EFCAB14: variants seen among roughly 807,000 people sequenced by gnomAD.
The protein encoded by EFCAB14 is EF-hand calcium binding domain 14, also known as EF-hand calcium-binding domain-containing protein 14.
EFCAB14 carries 43 observed loss-of-function variants against 56.5 expected under a neutral mutation model. The ratio of observed to expected loss-of-function variants is 0.76; its 90% CI spans 0.60 to 0.98. EFCAB14 has a LOEUF of 0.98. Ranked by LOEUF, EFCAB14 falls within the 50% of genes least tolerant of loss-of-function variation. The pLI is 0.00. For missense variants in EFCAB14, 538 were observed against 580.3 expected, an observed-to-expected ratio of 0.93 and a Z score of 0.75; for synonymous variants, 235 against 212.9, an observed-to-expected ratio of 1.10 and a Z score of -0.90.
At chr1:46,691,441 A>T (rs1319016941) in intron 5 of EFCAB14, among the ~76,000 whole-genome samples, 1 of 152,236 alleles carries the variant, frequency 6.6e-6, no homozygotes, top group Non-Finnish European at 1.5e-5. Context: ...CCTTGCTCAA[A>T]TTCCTGATGC....
chr1:46,695,460 A>G (rs1280939976), intron 4 of EFCAB14, among the ~76,000 whole-genome samples: 1 of 152,154 alleles, frequency 6.6e-6, no homozygotes, highest in Non-Finnish European at 1.5e-5. Context: ...GCTATAAAAT[A>G]GCAAATTTTG....
chr1:46,675,388 C>A lies in EFCAB14; in HGVS notation c.*3073G>T, dbSNP rs952828439. 2 of 152,576 alleles carry A rather than the reference C, an allele frequency of 1.3e-5. No homozygotes were observed. Among genetic ancestry groups the A allele is most frequent in the Non-Finnish European group, 2.9e-5 (2 of 68,042 alleles). 9.5% of individuals were successfully genotyped at this position (152,576 alleles called of 1,614,324 possible). ...GTTCGTATAACAAACAATACACGCTCTATAAAGTCTCAGGAATACCCAAAT... is the reference window on the plus strand; with the variant it reads ...GTTCGTATAACAAACAATACACGCTATATAAAGTCTCAGGAATACCCAAAT... On this transcript the variant is annotated 3_prime_UTR_variant, in exon 11 of 11. Transcript: ENST00000371933.
rs1432239343 is a variant in EFCAB14 at position 46,718,915 on chromosome 1, C to T, written c.-828G>A. ...CTCGGCCGACCGAAAGCGCTCCCGC[C>T]CGGAGTTTGAGGTCTCCGGCACGGG... On this transcript the variant is annotated 5_prime_UTR_variant, in exon 1 of 11. Transcript: ENST00000371933. The T allele has an allele frequency of 1.3e-5, 2 of 152,612 alleles. No homozygotes were observed. The highest frequency in any genetic ancestry group is 2.9e-5 in the Non-Finnish European group (2 of 68,234). 9.5% of individuals were successfully genotyped at this position (152,612 alleles called of 1,614,324 possible).
chr1:46,709,925 T>C (rs1038796241), intron 2 of EFCAB14, among the ~76,000 whole-genome samples: 1 of 151,514 alleles, frequency 6.6e-6, no homozygotes, highest in East Asian at 1.9e-4. Context: ...GAGGTGGAGG[T>C]TGTGTTGAGC....
At chr1:46,679,127 C>T (rs58871437) in intron 10 of EFCAB14, among the ~76,000 whole-genome samples, 2,157 of 152,270 alleles carry the variant, frequency 0.014, 61 homozygotes, top group African/African-American at 0.049. Context: ...CAGACTGTGG[C>T]ATATTGTGAG....
At chr1:46,689,475 G>T in intron 6 of EFCAB14, 112 bp downstream of exon 6, 1 of 952,414 alleles carries the variant, frequency 1.0e-6, no homozygotes, top group Non-Finnish European at 1.6e-6. Flanking sequence ...TCCCAGGCAG[G>T]CAAATAAATA....
rs1557441247 is a variant in EFCAB14, at chr1:46,686,863, T to C, written c.995A>G (p.Asp332Gly). Residue 332 changes from aspartate to glycine, a missense_variant, in exon 8 of 11, where the codon GAT becomes GGT. Coordinates refer to ENST00000371933, the MANE Select transcript of EFCAB14 (RefSeq NM_014774.3). The part of the protein sequence containing the change: ...KANLSFSMMG[D>G]RSATLKRQSL... ...CTGTCTTTTCAGAGTGGCAGATCTATCACCCATCTTAAAGGGCAAAACAAA... is the reference window on the plus strand; with the variant it reads ...CTGTCTTTTCAGAGTGGCAGATCTACCACCCATCTTAAAGGGCAAAACAAA... 6.2e-7 allele frequency: 1 copy of C among 1,613,648 alleles called. No individual in the cohort carries two copies. Among genetic ancestry groups the C allele is most frequent in the Non-Finnish European group, 8.5e-7 (1 of 1,179,740 alleles).
Position 46,676,157 on chromosome 1 carries a change from T to C in EFCAB14, c.*2304A>G, listed in dbSNP as rs1441511148. ...CAACTCAGAAGAAAGGAGTTCAAGA[T>C]ACCCTACTTTTGCCTGGAAGATGTA... On this transcript the variant is annotated 3_prime_UTR_variant, in exon 11 of 11. Coordinates refer to ENST00000371933, the MANE Select transcript of EFCAB14 (RefSeq NM_014774.3). 2 of 152,214 alleles carry C rather than the reference T, an allele frequency of 1.3e-5. No homozygotes were observed. Among genetic ancestry groups the C allele is most frequent in the African/African-American group, 4.8e-5 (2 of 41,460 alleles). The allele number at this position is 152,214 out of a possible 1,614,324, so 9.4% of individuals were successfully genotyped here. A position where few individuals can be genotyped will look rare whatever the true frequency, so the allele number is the denominator to read the frequency against.
At chr1:46,708,285 A>G (rs1185304148) in intron 2 of EFCAB14, among the ~76,000 whole-genome samples, 7 of 152,214 alleles carry the variant, frequency 4.6e-5, no homozygotes, top group African/African-American at 2.4e-5. Flanking sequence ...ATCATAACAG[A>G]ATGTGAGCAG....
chr1:46,696,690 AT>A, intron 3 of EFCAB14, 41 bp from the exon 4 acceptor site: 1 of 1,579,258 alleles, frequency 6.3e-7, no homozygotes, highest in South Asian at 1.1e-5. Context: ...ACAAATGAGA[AT>A]TTGTAGAGGA....
intron 2 of EFCAB14, 34 bp downstream of exon 2, chr1:46,716,248 CAAAAAAAAAAAAA>C (rs10718376): frequency 1.7e-4 from 175 of 1,054,564 alleles, no homozygotes; most frequent in Non-Finnish European, 2.0e-4. Flanking sequence ...GACCCTGTCT[CAAAAAAAAAAAAA>C]AAAAAAAAAA....
In EFCAB14 at chr1:46,683,288, A is replaced by T; in HGVS notation, c.1312+12T>A. 2 of 1,610,822 alleles carry T rather than the reference A, an allele frequency of 1.2e-6. No homozygotes were observed. The highest frequency in any genetic ancestry group is 1.7e-6 in the Non-Finnish European group (2 of 1,179,070). On this transcript the variant is annotated intron_variant, in intron 10 of 10. Transcript: ENST00000371933. Reference sequence around the variant, plus strand: ...AACATTCCCATTACTACCCCGTGGTATAAAAATTTACCTTCAGTGCTAGAA... The same window carrying T: ...AACATTCCCATTACTACCCCGTGGTTTAAAAATTTACCTTCAGTGCTAGAA...
intron 3 of EFCAB14, among the ~76,000 whole-genome samples, chr1:46,700,923 G>A (rs1220692417): frequency 6.6e-6 from 1 of 151,312 alleles, no homozygotes; most frequent in Non-Finnish European, 1.5e-5. Context: ...GGAGGATGAA[G>A]CCCACATTAC....
chr1:46,717,180 T>C (rs1033295611), intron 1 of EFCAB14, among the ~76,000 whole-genome samples: 1 of 152,214 alleles, frequency 6.6e-6, no homozygotes, highest in African/African-American at 2.4e-5. Context: ...CAAGACATTT[T>C]AAACCAACCA....
At chr1:46,696,751 A>G in intron 3 of EFCAB14, 102 bp from the exon 4 acceptor site, 1 of 1,075,966 alleles carries the variant, frequency 9.3e-7, no homozygotes, top group Non-Finnish European at 1.4e-6. Context: ...ATAGTCTAGG[A>G]TTTTATGTGT....
chr1:46,717,995 C>T lies in EFCAB14; in HGVS notation c.93G>A (p.Leu31=), dbSNP rs1677424163. Residue 31 remains leucine (L), a synonymous_variant, in exon 1 of 11, where the codon CTG becomes CTA. Coordinates refer to ENST00000371933, the MANE Select transcript of EFCAB14 (RefSeq NM_014774.3). ...CTGAGTCGGGAGGCTCAGTGCGAAG[C>T]AGGCGGTGACTGCTTGGGCCTTTCT... ...KPKKGPSSHR[L]LRTEPPDSDS... The T allele has an allele frequency of 1.2e-6, 2 of 1,614,086 alleles. No homozygotes were observed. Among genetic ancestry groups the T allele is most frequent in the South Asian group, 2.2e-5 (2 of 91,090 alleles).
intron 2 of EFCAB14, among the ~76,000 whole-genome samples, chr1:46,709,078 T>C (rs200841338): frequency 2.0e-5 from 3 of 152,236 alleles, no homozygotes; most frequent in East Asian, 1.9e-4. Flanking sequence ...CATTTCTACA[T>C]GGTCAGCTAC....
At chr1:46,705,560 C>T (rs10890411) in intron 3 of EFCAB14, among the ~76,000 whole-genome samples, 56,116 of 151,822 alleles carry the variant, frequency 0.37, 11,594 homozygotes, top group East Asian at 0.75. Flanking sequence ...GTTAGGTTAG[C>T]TGGCATGTGT....
At chr1:46,712,956 G>A (rs189495139) in intron 2 of EFCAB14, among the ~76,000 whole-genome samples, 152 of 152,170 alleles carry the variant, frequency 1.0e-3, no homozygotes, top group Admixed American at 4.3e-3. Flanking sequence ...AGAGGTTGCA[G>A]TGAGCCGAGA....
Sources: gnomAD v4.1 joint callset for allele counts (sites outside exome capture counted in the v4.1 genomes callset) on GRCh38, gnomAD v4.1.1 for gene constraint, MANE v1.5 for transcripts, NCBI Gene and HGNC (gene_info 2026-07-23, HGNC 2026-07-21) for gene names.